SMG7: variants seen among roughly 807,000 people sequenced by gnomAD.
SMG7 encodes nonsense-mediated mRNA decay factor SMG7.
A neutral mutation model predicts 148.2 loss-of-function variants in SMG7; 34 were observed. The observed-to-expected ratio is 0.23, with a 90% CI of 0.17 to 0.31. SMG7 has a LOEUF of 0.31. Ranked by LOEUF, SMG7 falls within the 10% of genes least tolerant of loss-of-function variation. The pLI, the probability that SMG7 is intolerant of heterozygous loss-of-function variation, is 1.00. For synonymous variants in SMG7, 492 were observed against 515.1 expected (o/e 0.96, Z 0.61); for missense variants, 1,114 against 1,408.4 (o/e 0.79, Z 3.35).
At chr1:183,486,072 G>T (rs1415093573) in intron 1 of SMG7, among the ~76,000 whole-genome samples, 1 of 152,030 alleles carries the variant, frequency 6.6e-6, no homozygotes, top group Non-Finnish European at 1.5e-5. Flanking sequence ...TCTTTCTTTG[G>T]ATCATCTTAG....
chr1:183,548,309 G>T (rs563107000), intron 18 of SMG7, among the ~76,000 whole-genome samples: 1 of 152,182 alleles, frequency 6.6e-6, no homozygotes, highest in African/African-American at 2.4e-5. Context: ...TGGAAGCTCA[G>T]CTGCTATACT....
At chr1:183,482,980 T>TTA (rs1397468974) in intron 1 of SMG7, among the ~76,000 whole-genome samples, 2 of 152,114 alleles carry the variant, frequency 1.3e-5, no homozygotes, top group African/African-American at 4.8e-5. Context: ...GTTACTAAGG[T>TTA]TAAGTGAAGT....
intron 1 of SMG7, among the ~76,000 whole-genome samples, chr1:183,487,307 A>G (rs1309236688): frequency 6.6e-6 from 1 of 152,020 alleles, no homozygotes; most frequent in African/African-American, 2.4e-5. Flanking sequence ...ATTACTCTAT[A>G]TTCTACTTCC....
chr1:183,520,527 C>T (rs1215572781), intron 4 of SMG7, among the ~76,000 whole-genome samples: 12 of 151,996 alleles, frequency 7.9e-5, no homozygotes, highest in Admixed American at 7.9e-4. Flanking sequence ...TCATTTCCTT[C>T]CCCCATGAAT....
rs201171112 is a variant in SMG7 at position 183,538,377 on chromosome 1, T to C, written c.1235-3T>C. The C allele has an allele frequency of 1.8e-4, 298 of 1,611,596 alleles. 4 individuals are homozygous for C. The Middle Eastern group carries it at 2.5e-3, about 13-fold the overall frequency. ...TTTGCAAATTTTGATTTTGACCCTT[T>C]AGCGACACCACTTCCAGAGGAGTTT... On this transcript the variant is annotated splice_region_variant and splice_polypyrimidine_tract_variant and intron_variant, in intron 11 of 22. Transcript: ENST00000688051.
At chr1:183,518,303 TA>T (rs1455949321) in intron 4 of SMG7, among the ~76,000 whole-genome samples, 4 of 152,120 alleles carry the variant, frequency 2.6e-5, no homozygotes, top group African/African-American at 9.7e-5. Context: ...GCTGTGCTTT[TA>T]AAAGGGTTGA....
Position 183,544,955 on chromosome 1 carries a change from C to A in SMG7, c.2013C>A (p.Ile671=), listed in dbSNP as rs766765014. 17 of 1,613,496 alleles carry A rather than the reference C, an allele frequency of 1.1e-5. 1 individual carries two copies. In the South Asian group the frequency reaches 1.9e-4, roughly 18 times the overall value. Residue 671 remains isoleucine, a synonymous_variant, in exon 16 of 23, where the codon ATC becomes ATA. Transcript: ENST00000688051. ...GGTTTCCGCCCCCAACATATGTTATCCCCCCGCCTGTGGCATTTTCTATGG... is the reference window on the plus strand; with the variant it reads ...GGTTTCCGCCCCCAACATATGTTATACCCCCGCCTGTGGCATTTTCTATGG... ...RPGFPPPTYV[I]PPPVAFSMGS...
chr1:183,508,298 A>C (rs2102386257), intron 1 of SMG7: 1 of 166,694 alleles, frequency 6.0e-6, no homozygotes, highest in Middle Eastern at 3.0e-3. Context: ...AGGCTCAAGC[A>C]GTCCTCCCAC....
At position 183,551,203 on chromosome 1, in the gene SMG7, C is replaced by T. The variant is rs768709950; in HGVS notation, c.3450+13C>T. 1 of 1,554,320 alleles carries T rather than the reference C, an allele frequency of 6.4e-7. No individual in the cohort carries two copies. ...GGAAAGCCTAAAGGTGAGTAGATTT[C>T]AGGAACAAGAACCACAAGATTATTA... On this transcript the variant is annotated intron_variant, in intron 22 of 22. Transcript: ENST00000688051.
At chr1:183,495,117 G>A (rs893230809) in intron 1 of SMG7, among the ~76,000 whole-genome samples, 3 of 151,712 alleles carry the variant, frequency 2.0e-5, no homozygotes, top group Admixed American at 1.3e-4. Context: ...GTGAGCCACC[G>A]TGCCCAGCCT....
At chr1:183,489,171 G>T (rs1451200163) in intron 1 of SMG7, among the ~76,000 whole-genome samples, 1 of 152,008 alleles carries the variant, frequency 6.6e-6, no homozygotes, top group Non-Finnish European at 1.5e-5. Context: ...GAGTTAGACA[G>T]GGCTTGAATT....
chr1:183,547,252 TG>T lies in SMG7; in HGVS notation c.2892+1del. On this transcript the variant is annotated splice_donor_variant, in intron 18 of 22. Transcript: ENST00000688051. LOFTEE classifies it high-confidence loss of function. ...CCTCTCTTCCTGGACGAAGCCTTTT[TG>T]TATGTATTTGACATAATTCTGCTTC... The T allele has an allele frequency of 6.5e-7, 1 of 1,549,334 alleles. No individual in the cohort carries two copies. Among genetic ancestry groups the T allele is most frequent in the East Asian group, 2.4e-5 (1 of 40,930 alleles).
At position 183,546,159 on chromosome 1, in the gene SMG7, A is replaced by T. The variant is rs757084937; in HGVS notation, c.2564A>T (p.Glu855Val). 1.2e-6 allele frequency: 2 copies of T among 1,614,044 alleles called. No homozygotes were observed. The highest frequency in any genetic ancestry group is 2.2e-5 in the East Asian group (1 of 44,852). ...AAAAAAATGAAGCCTTTTCCCATGG[A>T]GCCATATAACCATAATCCCTCAGAA... Reference protein sequence around the residue: ...LEKKMKPFPMEPYNHNPSEVK... With the variant: ...LEKKMKPFPMVPYNHNPSEVK... Residue 855 changes from glutamate (E) to valine (V), a missense_variant, in exon 17 of 23, where the codon GAG becomes GTG. Around this residue, in one of 4 missense-constraint regions of SMG7, gnomAD observed 788 missense variants for 894.5 expected, o/e 0.88. Coordinates refer to ENST00000688051, the MANE Select transcript of SMG7 (RefSeq NM_001375584.1).
At chr1:183,489,959 T>TA (rs1271427015) in intron 1 of SMG7, among the ~76,000 whole-genome samples, 1 of 152,190 alleles carries the variant, frequency 6.6e-6, no homozygotes, top group African/African-American at 2.4e-5. Context: ...CCTGGGAACT[T>TA]ACTAGAAACA....
chr1:183,542,914 A>G (rs1669135892), intron 14 of SMG7, among the ~76,000 whole-genome samples: 2 of 143,988 alleles, frequency 1.4e-5, no homozygotes, highest in South Asian at 4.4e-4. Context: ...TAGATTCACT[A>G]TAATATATAT....
rs555571440 is a variant in SMG7 at position 183,489,138 on chromosome 1, TA to T, written c.29+16499del. On this transcript the variant is annotated intron_variant, in intron 1 of 22. Transcript: ENST00000688051. The stretch of plus-strand genomic sequence containing the variant: ...ACTTTTCATACAGAAAATTGAAGCT[TA>T]AAAAAAAAAGTTCAATCAACAGAGT... Among the ~76,000 whole-genome samples, 129 of 149,760 alleles carry T rather than the reference TA, an allele frequency of 8.6e-4. No homozygotes were observed. In the Middle Eastern group the frequency reaches 0.014, roughly 16 times the overall value.
At chr1:183,493,395 TC>T (rs1476061809) in intron 1 of SMG7, among the ~76,000 whole-genome samples, 3 of 152,256 alleles carry the variant, frequency 2.0e-5, no homozygotes, top group Non-Finnish European at 4.4e-5. Flanking sequence ...AATTTGTACT[TC>T]TATGACTTTA....
At chr1:183,541,142 C>A in intron 13 of SMG7, 39 bp downstream of exon 13, 1 of 1,599,756 alleles carries the variant, frequency 6.3e-7, no homozygotes, top group Non-Finnish European at 8.5e-7. Flanking sequence ...TTTTAACCAC[C>A]TTTTTAGATA....
Position 183,551,903 on chromosome 1 carries a change from G to C in SMG7, c.3536G>C (p.Gly1179Ala), listed in dbSNP as rs764572787. Residue 1179 changes from glycine to alanine, a missense_variant, in exon 23 of 23, where the codon GGA becomes GCA. By Grantham distance (60) the Gly-to-Ala change is moderately conservative. Around this residue, in one of 4 missense-constraint regions of SMG7, gnomAD observed 788 missense variants for 894.5 expected, o/e 0.88. Transcript: ENST00000688051. ...LMQQKQKQQR[G>A]QGTMNPPH ...CAGCAGAAGCAGAAACAGCAACGGG[G>C]ACAAGGCACCATGAACCCTCCACAC... is the stretch of plus-strand genomic sequence containing the variant. 1 of 1,613,760 alleles carries C rather than the reference G, an allele frequency of 6.2e-7. No homozygotes were observed. The highest frequency in any genetic ancestry group is 8.5e-7 in the Non-Finnish European group (1 of 1,179,812).
Sources: gnomAD v4.1 joint callset for allele counts (sites outside exome capture counted in the v4.1 genomes callset) on GRCh38, gnomAD v4.1.1 for gene constraint, gnomAD v4.1.1 regional missense constraint, MANE v1.5 for transcripts, NCBI Gene and HGNC (gene_info 2026-07-23, HGNC 2026-07-21) for gene names.